Variants in NANS observed in about 807,000 individuals in gnomAD.
The protein encoded by NANS is N-acetylneuraminate synthase, also known as N-acetylneuraminate-9-phosphate synthase.
In NANS, 29 loss-of-function variants were observed where a neutral mutation model predicts 33.3. The observed-to-expected ratio is 0.87, with a 90% CI of 0.65 to 1.19. The LOEUF (loss-of-function observed/expected upper bound fraction) is 1.19, where lower values mean the gene tolerates loss of function less well. Ranked by LOEUF, NANS falls within the 50% of genes most tolerant of loss-of-function variation. The pLI is 0.00. For synonymous variants in NANS, 163 were observed against 177.2 expected (o/e 0.92, Z 0.64); for missense variants, 394 against 461.1 (o/e 0.85, Z 1.33).
intron 2 of NANS, among the ~76,000 whole-genome samples, chr9:98,070,274 T>G (rs773195982): frequency 6.6e-6 from 1 of 152,058 alleles, no homozygotes; most frequent in Non-Finnish European, 1.5e-5. Flanking sequence ...TATGCCACCA[T>G]GCCCAGCTAA....
At chr9:98,081,298 T>C (rs1291169074) in intron 5 of NANS, 8 of 635,866 alleles carry the variant, frequency 1.3e-5, no homozygotes, top group African/African-American at 1.1e-4. Context: ...TATCTAACTT[T>C]AGCAGTTTCT....
In NANS at chr9:98,080,967, C is replaced by T. The variant is rs1173805223; in HGVS notation, c.755C>T (p.Ala252Val). 1.2e-6 allele frequency: 2 copies of T among 1,614,186 alleles called. No homozygotes were observed. The highest frequency in any genetic ancestry group is 1.7e-6 in the Non-Finnish European group (2 of 1,180,042). Residue 252 changes from alanine to valine, a missense_variant, in exon 5 of 6, where the codon GCC becomes GTC. Transcript: ENST00000210444. ...ACCTGGAAGGGGAGTGACCACTCGG[C>T]CTCGCTGGAGCCTGGAGAACTGGCC... ...DKTWKGSDHS[A>V]SLEPGELAEL...
intron 2 of NANS, among the ~76,000 whole-genome samples, chr9:98,071,628 C>T (rs1421820585): frequency 2.6e-5 from 4 of 152,188 alleles, no homozygotes; most frequent in Non-Finnish European, 5.9e-5. Context: ...CATCTGGGTA[C>T]TTGTCCTGGC....
chr9:98,074,361 A>G (rs978699004), intron 2 of NANS, among the ~76,000 whole-genome samples: 2 of 152,108 alleles, frequency 1.3e-5, no homozygotes, highest in Non-Finnish European at 2.9e-5. Flanking sequence ...ATGGAACCCC[A>G]GATAGAGGGA....
At chr9:98,058,244 TG>T (rs750882054) in intron 1 of NANS, among the ~76,000 whole-genome samples, 9 of 152,194 alleles carry the variant, frequency 5.9e-5, no homozygotes, top group Non-Finnish European at 1.3e-4. Flanking sequence ...ACTGGTTTTA[TG>T]GAAACCTAAT....
At chr9:98,075,426 GGGAAGGAAAGGGA>G (rs1189636288) in intron 2 of NANS, 84 of 149,940 alleles carry the variant, frequency 5.6e-4, no homozygotes, top group African/African-American at 1.5e-3. Context: ...GAGAGAGGGA[GGGAAGGAAAGGGA>G]GGAAGGAAAG....
chr9:98,066,546 A>G (rs1468080615), intron 2 of NANS, among the ~76,000 whole-genome samples: 15 of 152,192 alleles, frequency 9.9e-5, no homozygotes, highest in Admixed American at 9.8e-4. Context: ...GCAACCATTA[A>G]TACAATTACC....
rs1410223503 is a variant in NANS at position 98,082,887 on chromosome 9, C to G, written c.912C>G (p.Gly304=). 6.2e-7 allele frequency: 1 copy of G among 1,614,064 alleles called. No individual in the cohort carries two copies. Among genetic ancestry groups the G allele is most frequent in the Non-Finnish European group, 8.5e-7 (1 of 1,180,044 alleles). The change falls in exon 6 of 6, where the codon GGC becomes GGG. Residue 304 remains glycine (G), a synonymous_variant. Transcript: ENST00000210444. ...SVVAKVKIPE[G]TILTMDMLTV... The stretch of plus-strand genomic sequence containing the variant: ...TGGCCAAAGTGAAAATTCCGGAAGG[C>G]ACCATTCTAACAATGGACATGCTCA...
chr9:98,072,108 G>A (rs1017219403), intron 2 of NANS, among the ~76,000 whole-genome samples: 3 of 152,168 alleles, frequency 2.0e-5, no homozygotes, highest in African/African-American at 7.2e-5. Context: ...AGCTCCTGGT[G>A]CTCACACTCT....
At chr9:98,059,020 G>T (rs1432811262) in intron 1 of NANS, among the ~76,000 whole-genome samples, 3 of 151,430 alleles carry the variant, frequency 2.0e-5, no homozygotes, top group Admixed American at 6.6e-5. Context: ...CTGGACCCAA[G>T]AAGTTTTTAT....
At chr9:98,070,281 C>T (rs1829282227) in intron 2 of NANS, among the ~76,000 whole-genome samples, 1 of 152,080 alleles carries the variant, frequency 6.6e-6, no homozygotes, top group Non-Finnish European at 1.5e-5. Flanking sequence ...CCATGCCCAG[C>T]TAATTTTTGT....
Position 98,077,165 on chromosome 9 carries a change from G to T in NANS, c.448+148G>T, listed in dbSNP as rs1408463197. 3.4e-5 allele frequency: 21 copies of T among 625,172 alleles called. No homozygotes were observed. In the Admixed American group the frequency reaches 6.7e-4, roughly 20 times the overall value. The allele number at this position is 625,172 out of a possible 1,614,324, so 38.7% of individuals were successfully genotyped here. ...TTAAATAGAGATAGGGTCTCGCTGT[G>T]TTGGCCAGGTTGGTCTTGAACTCCT... is the stretch of plus-strand genomic sequence containing the variant. On this transcript the variant is annotated intron_variant, in intron 3 of 5. Transcript: ENST00000210444.
At chr9:98,061,773 C>G (rs899153395) in intron 2 of NANS, among the ~76,000 whole-genome samples, 1 of 147,286 alleles carries the variant, frequency 6.8e-6, no homozygotes. Flanking sequence ...AGCAAGATTC[C>G]GTCTCAAAAA....
At chr9:98,072,102 C>T (rs1320311704) in intron 2 of NANS, among the ~76,000 whole-genome samples, 2 of 152,146 alleles carry the variant, frequency 1.3e-5, no homozygotes, top group Non-Finnish European at 2.9e-5. Context: ...GAGCTCAGCT[C>T]CTGGTGCTCA....
At chr9:98,064,857 G>A (rs550628110) in intron 2 of NANS, among the ~76,000 whole-genome samples, 4 of 152,320 alleles carry the variant, frequency 2.6e-5, no homozygotes, top group African/African-American at 7.2e-5. Context: ...CATGCACCAC[G>A]CTCGGTACCA....
Position 98,056,915 on chromosome 9 carries a change from C to G in NANS, c.107C>G (p.Ala36Gly). ...AACCACCAGGGCGACCTGGACGTAGCCAAGCGCATGATCCGCATGGCCAAG... is the reference window on the plus strand; with the variant it reads ...AACCACCAGGGCGACCTGGACGTAGGCAAGCGCATGATCCGCATGGCCAAG... ...GQNHQGDLDV[A>G]KRMIRMAKEC... is the part of the protein sequence containing the mutation. Residue 36 changes from alanine to glycine, a missense_variant, in exon 1 of 6, where the codon GCC becomes GGC. Physicochemically the swap from Ala to Gly is moderately conservative, Grantham distance 60. Coordinates refer to ENST00000210444, the MANE Select transcript of NANS (RefSeq NM_018946.4). 6.2e-7 allele frequency: 1 copy of G among 1,608,608 alleles called. No individual in the cohort carries two copies.
intron 2 of NANS, chr9:98,069,727 T>C (rs112266218): frequency 0.02 from 3,069 of 152,164 alleles, 117 homozygotes; most frequent in African/African-American, 0.07. Flanking sequence ...AACAGATGAG[T>C]AGTTGCCAAA....
At chr9:98,068,382 T>C (rs1829211895) in intron 2 of NANS, among the ~76,000 whole-genome samples, 1 of 152,072 alleles carries the variant, frequency 6.6e-6, no homozygotes, top group African/African-American at 2.4e-5. Flanking sequence ...TCAAGTGATC[T>C]GCCTTCCTCG....
Position 98,056,773 on chromosome 9 carries a change from G to A in NANS, c.-36G>A. 6.2e-7 allele frequency: 1 copy of A among 1,605,118 alleles called. No individual in the cohort carries two copies. The highest frequency in any genetic ancestry group is 8.5e-7 in the Non-Finnish European group (1 of 1,177,602). Reference sequence around the variant, plus strand: ...GCGGCGGCGGCGGCGGCCGGACCCAGACTGGTAGTGAGGCTTTGGACCCCG... The same window carrying A: ...GCGGCGGCGGCGGCGGCCGGACCCAAACTGGTAGTGAGGCTTTGGACCCCG... On this transcript the variant is annotated 5_prime_UTR_variant, in exon 1 of 6. Coordinates refer to ENST00000210444, the MANE Select transcript of NANS (RefSeq NM_018946.4).
Sources: gnomAD v4.1 joint callset for allele counts (sites outside exome capture counted in the v4.1 genomes callset) on GRCh38, gnomAD v4.1.1 for gene constraint, MANE v1.5 for transcripts, NCBI Gene and HGNC (gene_info 2026-07-23, HGNC 2026-07-21) for gene names.